PCDH15: variants seen among roughly 807,000 people sequenced by gnomAD.
PCDH15 encodes protocadherin-15.
A neutral mutation model predicts 178.5 loss-of-function variants in PCDH15; 129 were observed. That is an observed-to-expected ratio of 0.72 (90% CI 0.63 to 0.84). The LOEUF is 0.84. PCDH15 is among the 40% of genes least tolerant of loss of function. The pLI is 0.00. For missense variants in PCDH15, 2,230 were observed against 2,099.9 expected, an observed-to-expected ratio of 1.06 and a Z score of -1.21; for synonymous variants, 800 against 732.0, an observed-to-expected ratio of 1.09 and a Z score of -1.50.
chr10:55,095,484 CAT>C (rs1449778648), intron 2 of PCDH15, among the ~76,000 whole-genome samples: 5 of 151,898 alleles, frequency 3.3e-5, no homozygotes, highest in Non-Finnish European at 1.5e-5. Flanking sequence ...CATTTTCTCT[CAT>C]ATTCTCAAAT....
At chr10:54,328,118 G>C (rs911047365) in intron 7 of PCDH15, among the ~76,000 whole-genome samples, 6 of 151,906 alleles carry the variant, frequency 3.9e-5, no homozygotes, top group African/African-American at 1.4e-4. Context: ...AATATTTCAT[G>C]ATCCTTCTAT....
At chr10:55,578,652 CT>C (rs1842544369) in intron 2 of PCDH15, among the ~76,000 whole-genome samples, 1 of 152,044 alleles carries the variant, frequency 6.6e-6, no homozygotes, top group South Asian at 2.1e-4. Flanking sequence ...TCTCACACTG[CT>C]AATAAAGATA....
intron 2 of PCDH15, among the ~76,000 whole-genome samples, chr10:54,591,205 C>T (rs990911581): frequency 6.6e-6 from 1 of 152,086 alleles, no homozygotes; most frequent in Non-Finnish European, 1.5e-5. Context: ...GTTACCTTAC[C>T]TGGTAAAAAG....
intron 20 of PCDH15, among the ~76,000 whole-genome samples, chr10:54,003,311 A>G (rs935698675): frequency 1.3e-5 from 2 of 152,164 alleles, no homozygotes; most frequent in African/African-American, 4.8e-5. Context: ...AAGATCAATG[A>G]AACAGAAAGT....
Position 55,450,357 on chromosome 10 carries a change from G to T in PCDH15, c.-156+177268C>A, listed in dbSNP as rs370464002. Among the ~76,000 whole-genome samples the T allele has an allele frequency of 3.1e-4, 47 of 152,280 alleles. No individual in the cohort carries two copies. The South Asian group carries it at 8.9e-3, about 29-fold the overall frequency. On this transcript the variant is annotated intron_variant, in intron 2 of 5. Transcript: ENST00000613346. ...AGAGGCACTGTCACTTTGGATAACA[G>T]ATTACACTCACTCTTAGGAGATGGC...
chr10:55,417,286 T>C (rs1464994485), intron 2 of PCDH15, among the ~76,000 whole-genome samples: 1 of 151,572 alleles, frequency 6.6e-6, no homozygotes, highest in Non-Finnish European at 1.5e-5. Flanking sequence ...AGTGCAGCTA[T>C]AAATAAAACT....
intron 26 of PCDH15, among the ~76,000 whole-genome samples, chr10:53,889,214 T>G (rs1380129714): frequency 1.3e-5 from 2 of 151,928 alleles, no homozygotes; most frequent in African/African-American, 2.4e-5. Flanking sequence ...AAATAATAAA[T>G]TGTATTAAAA....
At chr10:54,435,018 T>C (rs191864974) in intron 3 of PCDH15, among the ~76,000 whole-genome samples, 189 of 150,692 alleles carry the variant, frequency 1.3e-3, no homozygotes, top group Non-Finnish European at 9.8e-4. Context: ...AGATTTAGTA[T>C]ATGTATTTAT....
At chr10:53,910,313 G>A (rs937872913) in intron 25 of PCDH15, among the ~76,000 whole-genome samples, 1 of 152,144 alleles carries the variant, frequency 6.6e-6, no homozygotes, top group African/African-American at 2.4e-5. Context: ...TCCAGAAGAA[G>A]GACCAGGCAG....
At chr10:54,519,176 A>T (rs1326234327) in intron 3 of PCDH15, among the ~76,000 whole-genome samples, 1 of 151,924 alleles carries the variant, frequency 6.6e-6, no homozygotes, top group Non-Finnish European at 1.5e-5. Flanking sequence ...CTCTCTCACC[A>T]CTCCTATTCA....
chr10:54,586,548 G>T (rs1293350728), intron 2 of PCDH15, among the ~76,000 whole-genome samples: 1 of 152,070 alleles, frequency 6.6e-6, no homozygotes. Flanking sequence ...ATGAACTAAG[G>T]CTTAGAAAAA....
intron 2 of PCDH15, among the ~76,000 whole-genome samples, chr10:55,349,114 A>G (rs1844840528): frequency 6.6e-6 from 1 of 152,112 alleles, no homozygotes; most frequent in South Asian, 2.1e-4. Flanking sequence ...TGCATTCTCT[A>G]CTGGATTTAT....
At position 53,947,518 on chromosome 10, in the gene PCDH15, C is replaced by T. The variant is rs140115322; in HGVS notation, c.3123-6543G>A. On this transcript the variant is annotated intron_variant, in intron 23 of 37. Transcript: ENST00000644397. ...AATTAAGATACTGTTTTTCTACCTA[C>T]TATGAGAGGATTTAATAAAAATGGG... is the stretch of plus-strand genomic sequence containing the variant. 3.9e-4 allele frequency among the ~76,000 whole-genome samples: 59 copies of T among 151,514 alleles called. 2 individuals carry two copies. The East Asian group carries it at 0.011, about 29-fold the overall frequency.
intron 25 of PCDH15, among the ~76,000 whole-genome samples, chr10:53,917,494 A>G (rs1337579144): frequency 6.6e-6 from 1 of 152,238 alleles, no homozygotes; most frequent in African/African-American, 2.4e-5. Flanking sequence ...CAAAGATGCA[A>G]AAAGATTGTG....
chr10:54,028,091 G>GA (rs1007239484), intron 18 of PCDH15, among the ~76,000 whole-genome samples: 15 of 150,610 alleles, frequency 1.0e-4, no homozygotes, highest in Non-Finnish European at 1.6e-4. Flanking sequence ...AAATTTACAA[G>GA]AAAAAAACAA....
At chr10:55,081,290 G>T (rs760147265) in intron 2 of PCDH15, among the ~76,000 whole-genome samples, 4 of 151,838 alleles carry the variant, frequency 2.6e-5, no homozygotes, top group African/African-American at 4.8e-5. Context: ...CTTTTTTTCT[G>T]GAGAGAAAGA....
intron 3 of PCDH15, among the ~76,000 whole-genome samples, chr10:54,444,436 T>G (rs1178852734): frequency 6.6e-6 from 1 of 151,772 alleles, no homozygotes; most frequent in Admixed American, 6.6e-5. Context: ...AATAAAGAGT[T>G]GCATCAGTTT....
chr10:55,403,759 G>T (rs963939080), intron 2 of PCDH15, among the ~76,000 whole-genome samples: 7 of 151,848 alleles, frequency 4.6e-5, no homozygotes, highest in African/African-American at 1.7e-4. Flanking sequence ...ATAGTATGAT[G>T]CCCCATTTCT....
intron 2 of PCDH15, among the ~76,000 whole-genome samples, chr10:54,930,368 C>T (rs1466333666): frequency 6.6e-6 from 1 of 152,148 alleles, no homozygotes; most frequent in African/African-American, 2.4e-5. Context: ...TCAAGTGCCC[C>T]TCTCTTTCGC....
Sources: gnomAD v4.1 joint callset for allele counts (sites outside exome capture counted in the v4.1 genomes callset) on GRCh38, gnomAD v4.1.1 for gene constraint, MANE v1.5 for transcripts, NCBI Gene and HGNC (gene_info 2026-07-23, HGNC 2026-07-21) for gene names.